The following SRGAP2 variants were observed in gnomAD, a reference collection of about 807,000 sequenced individuals.
SRGAP2 encodes SLIT-ROBO Rho GTPase activating protein 2, also known as SLIT-ROBO Rho GTPase-activating protein 2.
SRGAP2 carries 15 observed loss-of-function variants against 57.2 expected under a neutral mutation model. The observed-to-expected ratio is 0.26, with a 90% confidence interval of 0.18 to 0.40. The LOEUF is 0.40. Ranked by LOEUF, SRGAP2 falls within the 10% of genes least tolerant of loss-of-function variation. The pLI is 1.00. For missense variants in SRGAP2, 520 were observed against 669.6 expected, an observed-to-expected ratio of 0.78 and a Z score of 2.47; for synonymous variants, 249 against 248.0, an observed-to-expected ratio of 1.00 and a Z score of -0.04.
At chr1:206,256,984 A>T (rs1553312535) in intron 2 of SRGAP2, among the ~76,000 whole-genome samples, 1 of 122,142 alleles carries the variant, frequency 8.2e-6, no homozygotes, top group Non-Finnish European at 1.7e-5. Context: ...TGAGTACCTG[A>T]GATAAAAAGA....
chr1:206,222,689 G>A (rs1219296607), intron 2 of SRGAP2, among the ~76,000 whole-genome samples: 2 of 150,272 alleles, frequency 1.3e-5, no homozygotes, highest in Non-Finnish European at 3.0e-5. Context: ...AAAGATGGAG[G>A]TAGTTTTTTG....
rs1262317645 is a variant in SRGAP2 at position 206,461,848 on chromosome 1, A to G, written c.*428A>G. Reference sequence around the variant, plus strand: ...GAACTGATTATAGAGAATCATATATAGTCCAGTCTTCATTTTACATACACA... The same window carrying G: ...GAACTGATTATAGAGAATCATATATGGTCCAGTCTTCATTTTACATACACA... On this transcript the variant is annotated 3_prime_UTR_variant, in exon 23 of 23. Transcript: ENST00000573034. The G allele has an allele frequency of 2.4e-5, 4 of 168,466 alleles. No individual in the cohort carries two copies. The highest frequency in any genetic ancestry group is 5.2e-5 in the Non-Finnish European group (4 of 77,650). 10.4% of individuals were successfully genotyped at this position (168,466 alleles called of 1,614,324 possible).
intron 2 of SRGAP2, among the ~76,000 whole-genome samples, chr1:206,280,038 G>A (rs1186970282): frequency 7.1e-4 from 107 of 151,170 alleles, no homozygotes; most frequent in African/African-American, 2.1e-3. Context: ...AAAGTCCAGC[G>A]TTGGTGTGGT....
In SRGAP2 at chr1:206,461,502, G is replaced by T; in HGVS notation, c.*82G>T. ...AATCTTCCTATTTAACTAGCTTGGG[G>T]ACTTCAGTTGAAAATTAGGTTCTAA... On this transcript the variant is annotated 3_prime_UTR_variant, in exon 23 of 23. Transcript: ENST00000573034. The T allele has an allele frequency of 1.5e-6, 1 of 657,490 alleles. No homozygotes were observed. The highest frequency in any genetic ancestry group is 2.6e-5 in the East Asian group (1 of 38,904). 40.7% of individuals were successfully genotyped at this position (657,490 alleles called of 1,614,324 possible). A position where few individuals can be genotyped will look rare whatever the true frequency, so the allele number is the denominator to read the frequency against.
At chr1:206,430,294 T>C (rs1285829344) in intron 14 of SRGAP2, 72 bp downstream of exon 14, 2 of 771,774 alleles carry the variant, frequency 2.6e-6, no homozygotes, top group Non-Finnish European at 4.9e-6. Context: ...CTTTGTAGAG[T>C]AAGAATAGAG....
intron 14 of SRGAP2, among the ~76,000 whole-genome samples, chr1:206,430,735 T>C (rs1661215240): frequency 6.6e-6 from 1 of 152,248 alleles, no homozygotes; most frequent in Non-Finnish European, 1.5e-5. Context: ...TAAAGTTGTA[T>C]CCAACTTTTG....
intron 17 of SRGAP2, among the ~76,000 whole-genome samples, chr1:206,441,525 T>C (rs1237933673): frequency 1.3e-5 from 2 of 152,212 alleles, no homozygotes; most frequent in African/African-American, 2.4e-5. Context: ...CTTTTCACTT[T>C]GGTTTTGCTG....
At chr1:206,237,181 G>T (rs1667960362) in intron 2 of SRGAP2, among the ~76,000 whole-genome samples, 1 of 151,888 alleles carries the variant, frequency 6.6e-6, no homozygotes, top group African/African-American at 2.4e-5. Flanking sequence ...AGAATCTCTT[G>T]AACCCGGGAG....
chr1:206,266,934 T>C (rs1197981606), intron 2 of SRGAP2, among the ~76,000 whole-genome samples: 4 of 143,188 alleles, frequency 2.8e-5, no homozygotes, highest in Admixed American at 1.4e-4. Flanking sequence ...AAGAGGCAGC[T>C]GAGAGGCTAG....
intron 2 of SRGAP2, among the ~76,000 whole-genome samples, chr1:206,215,832 CATCAT>C (rs1553303276): frequency 6.6e-6 from 1 of 150,924 alleles, no homozygotes; most frequent in African/African-American, 2.4e-5. Flanking sequence ...TTATTGCACT[CATCAT>C]ATTACATTGC....
At position 206,263,700 on chromosome 1, in the gene SRGAP2, G is replaced by T. The variant is rs1433552099; in HGVS notation, c.68-39581G>T. ...AGTATTTAACTTTGTGCTGGGCACT[G>T]TTAGGTTGGGTATATAACAGTGAAC... On this transcript the variant is annotated intron_variant, in intron 2 of 22. Coordinates refer to ENST00000573034, the MANE Select transcript of SRGAP2 (RefSeq NM_015326.5). Among the ~76,000 whole-genome samples the T allele has an allele frequency of 3.9e-5, 6 of 152,310 alleles. 1 individual carries two copies. The South Asian group carries it at 1.2e-3, about 32-fold the overall frequency.
chr1:206,427,469 G>C (rs1295740199), intron 13 of SRGAP2, among the ~76,000 whole-genome samples: 2 of 152,188 alleles, frequency 1.3e-5, no homozygotes, highest in Non-Finnish European at 2.9e-5. Context: ...CCTGACACCA[G>C]CTCCAACTTG....
chr1:206,240,601 C>T (rs1668161856), intron 2 of SRGAP2, among the ~76,000 whole-genome samples: 1 of 151,994 alleles, frequency 6.6e-6, no homozygotes, highest in Non-Finnish European at 1.5e-5. Context: ...ATGAAGTCAT[C>T]CAGCACTCAC....
chr1:206,380,427 G>A (rs538631981), intron 4 of SRGAP2, among the ~76,000 whole-genome samples: 14 of 147,630 alleles, frequency 9.5e-5, no homozygotes, highest in Admixed American at 8.0e-4. Context: ...CTTCCCATCC[G>A]ATAGAACCAG....
At chr1:206,429,263 A>G (rs1661079989) in intron 13 of SRGAP2, among the ~76,000 whole-genome samples, 1 of 152,200 alleles carries the variant, frequency 6.6e-6, no homozygotes, top group South Asian at 2.1e-4. Context: ...AGTCCCCACT[A>G]TTTAGAGTTA....
At chr1:206,401,323 C>G (rs12146010) in intron 7 of SRGAP2, 98 bp from the exon 8 acceptor site, 66,578 of 714,068 alleles carry the variant, frequency 0.093, 3,839 homozygotes, top group African/African-American at 0.16. Flanking sequence ...ACAGCCAAGC[C>G]TATTGATGTG....
chr1:206,429,931 C>T lies in SRGAP2; in HGVS notation c.1495-231C>T, dbSNP rs575157642. ...AAGGTGGTGAGAAACTGGTTTGGGGCAGAAGATGATCAGTTTTGTTTAGGA... is the reference window on the plus strand; with the variant it reads ...AAGGTGGTGAGAAACTGGTTTGGGGTAGAAGATGATCAGTTTTGTTTAGGA... On this transcript the variant is annotated intron_variant, in intron 13 of 22. Transcript: ENST00000573034. Among the ~76,000 whole-genome samples, 5 of 152,230 alleles carry T rather than the reference C, an allele frequency of 3.3e-5. No individual in the cohort carries two copies. In the East Asian group the frequency reaches 7.7e-4, roughly 23 times the overall value.
intron 4 of SRGAP2, among the ~76,000 whole-genome samples, chr1:206,381,078 G>C (rs1655662679): frequency 6.6e-6 from 1 of 152,216 alleles, no homozygotes; most frequent in South Asian, 2.1e-4. Flanking sequence ...GGAGCAGTAA[G>C]TCAGATCACT....
rs564155558 is a variant in SRGAP2 at position 206,446,306 on chromosome 1, G to C, written c.2099+7G>C. On this transcript the variant is annotated splice_region_variant and intron_variant, in intron 18 of 22. Transcript: ENST00000573034. ...GAAGCATGGAGGATTACTGGTAGGG[G>C]GGCTTGGGACGGGAGGAGGGGAGGG... 2.4e-4 allele frequency: 190 copies of C among 780,602 alleles called. 2 individuals are homozygous for C. The South Asian group carries it at 2.5e-3, about 10-fold the overall frequency. 48.4% of individuals were successfully genotyped at this position (780,602 alleles called of 1,614,324 possible). A position where few individuals can be genotyped will look rare whatever the true frequency, so the allele number is the denominator to read the frequency against.
Sources: allele counts gnomAD v4.1 joint callset (sites outside exome capture counted in the v4.1 genomes callset), GRCh38; gene constraint gnomAD v4.1.1; transcripts MANE v1.5; gene names NCBI Gene and HGNC (gene_info 2026-07-23, HGNC 2026-07-21).